WDFY3: variants seen among roughly 807,000 people sequenced by gnomAD.
WDFY3 encodes the protein WD repeat and FYVE domain containing 3.
A neutral mutation model predicts 409.6 loss-of-function variants in WDFY3; 66 were observed. That is an observed-to-expected ratio of 0.16 (90% CI 0.13 to 0.20). The LOEUF (loss-of-function observed/expected upper bound fraction) is 0.20, where lower values mean the gene tolerates loss of function less well. WDFY3 is among the 10% of genes least tolerant of loss of function. The pLI is 1.00. For synonymous variants in WDFY3, 1,521 were observed against 1,537.1 expected (o/e 0.99, Z 0.25); for missense variants, 3,031 against 4,298.1 (o/e 0.71, Z 8.24).
intron 32 of WDFY3, among the ~76,000 whole-genome samples, chr4:84,762,119 ACC>A (rs1742728260): frequency 1.3e-5 from 2 of 152,078 alleles, no homozygotes. Flanking sequence ...CTGGGTATAT[ACC>A]CAAAGGAATA....
At chr4:84,757,690 C>G (rs1414128331) in intron 32 of WDFY3, among the ~76,000 whole-genome samples, 2 of 152,122 alleles carry the variant, frequency 1.3e-5, no homozygotes, top group Non-Finnish European at 2.9e-5. Flanking sequence ...GCAGTCCTCC[C>G]ACCTCAGCCT....
chr4:84,877,304 C>G (rs1368597731), intron 3 of WDFY3, among the ~76,000 whole-genome samples: 2 of 152,132 alleles, frequency 1.3e-5, no homozygotes, highest in African/African-American at 2.4e-5. Context: ...TCCTTTAAAT[C>G]TGAGCTCAAC....
intron 5 of WDFY3, among the ~76,000 whole-genome samples, chr4:84,845,486 C>G (rs1257669778): frequency 6.6e-6 from 1 of 152,078 alleles, no homozygotes; most frequent in Non-Finnish European, 1.5e-5. Flanking sequence ...ACACAAAAAG[C>G]TCTAGAGATC....
intron 3 of WDFY3, among the ~76,000 whole-genome samples, chr4:84,868,134 T>C (rs1318528446): frequency 3.6e-5 from 4 of 111,008 alleles, no homozygotes; most frequent in Non-Finnish European, 6.6e-5. Flanking sequence ...ATCATGCCAC[T>C]GCACTCCAGC....
intron 1 of WDFY3, among the ~76,000 whole-genome samples, chr4:84,965,272 T>C (rs1418933821): frequency 6.6e-6 from 1 of 152,210 alleles, no homozygotes; most frequent in African/African-American, 2.4e-5. Flanking sequence ...TTGTTTGGTG[T>C]TCAAACTACA....
rs1370968370 is a variant in WDFY3 at position 84,789,869 on chromosome 4, G to A, written c.3526C>T (p.Leu1176Phe). 1.2e-6 allele frequency: 2 copies of A among 1,613,922 alleles called. No individual in the cohort carries two copies. Among genetic ancestry groups the A allele is most frequent in the African/African-American group, 2.7e-5 (2 of 74,876 alleles). Residue 1176 changes from leucine (L) to phenylalanine (F), a missense_variant, in exon 22 of 68, where the codon CTC becomes TTC. Leu to Phe is a conservative substitution (Grantham distance 22). Transcript: ENST00000295888. Reference sequence around the variant, plus strand: ...CATCGAAAGCGAGCACAGCATGGGAGAATTTCATAAAATGAGGACTCTTCA... The same window carrying A: ...CATCGAAAGCGAGCACAGCATGGGAAAATTTCATAAAATGAGGACTCTTCA... ...FSEESSFYEI[L>F]PCCARFRCGE...
chr4:84,823,478 A>T (rs1293935247), intron 10 of WDFY3, among the ~76,000 whole-genome samples: 2 of 152,044 alleles, frequency 1.3e-5, no homozygotes, highest in African/African-American at 4.8e-5. Context: ...TCCATTTCTC[A>T]AAAGATGCGT....
rs999981467 is a variant in WDFY3 at position 84,671,052 on chromosome 4, G to A, written c.*1816C>T. The A allele has an allele frequency of 6.6e-6, 1 of 152,658 alleles. No homozygotes were observed. Among genetic ancestry groups the A allele is most frequent in the African/African-American group, 2.4e-5 (1 of 41,524 alleles). The allele number at this position is 152,658 out of a possible 1,614,324, so 9.5% of individuals were successfully genotyped here. On this transcript the variant is annotated 3_prime_UTR_variant, in exon 68 of 68. Transcript: ENST00000295888. ...AAATAGACTGTAGGCTCAAACCCAG[G>A]TAAATAAAGATTTAAATTTAGTAAG...
At chr4:84,876,596 T>C (rs1489921630) in intron 3 of WDFY3, among the ~76,000 whole-genome samples, 3 of 152,128 alleles carry the variant, frequency 2.0e-5, no homozygotes, top group Non-Finnish European at 2.9e-5. Flanking sequence ...TTTATTCCCA[T>C]TAGCAATAAT....
rs1245716162 is a variant in WDFY3, at chr4:84,766,325, A to G, written c.4897T>C (p.Leu1633=). ...GGLVSANLIL[L]RNRLLDILLK... ...AAGATATCCAGAAGTCTGTTCCTCA[A>G]AAGTATAAGATTAGCTGATACAAGA... The change falls in exon 31 of 68, where the codon TTG becomes CTG. Residue 1633 remains leucine (L), a synonymous_variant. Coordinates refer to ENST00000295888, the MANE Select transcript of WDFY3 (RefSeq NM_014991.6). The G allele has an allele frequency of 1.9e-6, 3 of 1,603,172 alleles. No individual in the cohort carries two copies. The highest frequency in any genetic ancestry group is 2.2e-5 in the East Asian group (1 of 44,582).
intron 9 of WDFY3, 134 bp downstream of exon 9, chr4:84,828,870 G>T: frequency 1.2e-6 from 1 of 865,994 alleles, no homozygotes; most frequent in Non-Finnish European, 1.6e-6. Flanking sequence ...GAAAAAGAAG[G>T]GAGTAAAGCC....
chr4:84,875,279 C>T (rs1762629891), intron 3 of WDFY3, among the ~76,000 whole-genome samples: 2 of 151,256 alleles, frequency 1.3e-5, no homozygotes, highest in African/African-American at 4.9e-5. Context: ...CACACACACA[C>T]ACACACACAC....
intron 1 of WDFY3, among the ~76,000 whole-genome samples, chr4:84,960,407 G>C (rs1774761507): frequency 6.6e-6 from 1 of 152,084 alleles, no homozygotes; most frequent in Non-Finnish European, 1.5e-5. Flanking sequence ...CTATTCAACA[G>C]TCTCTTCCAC....
chr4:84,911,602 T>C (rs373698387), intron 2 of WDFY3, among the ~76,000 whole-genome samples: 1 of 152,234 alleles, frequency 6.6e-6, no homozygotes, highest in African/African-American at 2.4e-5. Context: ...TCCAGTTATA[T>C]GTGAATTTTC....
At chr4:84,945,349 T>C (rs962380325) in intron 1 of WDFY3, among the ~76,000 whole-genome samples, 13 of 152,172 alleles carry the variant, frequency 8.5e-5, no homozygotes, top group Non-Finnish European at 1.8e-4. Context: ...ACAAACCCTT[T>C]GCATTACAGA....
At chr4:84,850,675 G>C (rs1490279796) in intron 4 of WDFY3, among the ~76,000 whole-genome samples, 2 of 151,998 alleles carry the variant, frequency 1.3e-5, no homozygotes, top group African/African-American at 4.8e-5. Flanking sequence ...AAGGATCTTT[G>C]ATGGAGTACA....
intron 3 of WDFY3, among the ~76,000 whole-genome samples, chr4:84,880,674 C>CATATATATATATATATATAT (rs61351182): frequency 6.0e-5 from 3 of 50,356 alleles, no homozygotes; most frequent in Non-Finnish European, 6.7e-5. Context: ...GGGAACCATA[C>CATATATATATATATATATAT]ATATATATAT....
At chr4:84,809,642 A>G (rs1034336755) in intron 14 of WDFY3, 3 of 385,410 alleles carry the variant, frequency 7.8e-6, no homozygotes, top group Admixed American at 8.5e-5. Context: ...AAACTGTTCC[A>G]ATAACTGCAA....
At chr4:84,808,048 T>C (rs1032334361) in intron 15 of WDFY3, among the ~76,000 whole-genome samples, 1 of 152,110 alleles carries the variant, frequency 6.6e-6, no homozygotes, top group Non-Finnish European at 1.5e-5. Flanking sequence ...ATAAAAGACA[T>C]GTTTTTTCTA....
Sources: gnomAD v4.1 joint callset for allele counts (sites outside exome capture counted in the v4.1 genomes callset) on GRCh38, gnomAD v4.1.1 for gene constraint, MANE v1.5 for transcripts, NCBI Gene and HGNC (gene_info 2026-07-23, HGNC 2026-07-21) for gene names.